Variants in PHOX2B observed in about 807,000 individuals in gnomAD.
The protein encoded by PHOX2B is paired like homeobox 2B.
A neutral mutation model predicts 15.5 loss-of-function variants in PHOX2B; 1 was observed. The observed-to-expected ratio is 0.06, with a 90% CI of 0.02 to 0.31. The LOEUF (loss-of-function observed/expected upper bound fraction) is 0.31, where lower values mean the gene tolerates loss of function less well. Among genes scored for constraint, PHOX2B ranks in the 10% least tolerant of loss-of-function variants. The pLI is 1.00. For synonymous variants in PHOX2B, 206 were observed against 190.5 expected, an observed-to-expected ratio of 1.08 and a Z score of -0.67; for missense variants, 314 against 436.4, an observed-to-expected ratio of 0.72 and a Z score of 2.50.
At chr4:41,748,232 G>C in intron 1 of PHOX2B, 138 bp downstream of exon 1, 1 of 942,162 alleles carries the variant, frequency 1.1e-6, no homozygotes, top group South Asian at 1.6e-5. Flanking sequence ...CGCTTCTAAC[G>C]TGATAAATTC....
Position 41,748,512 on chromosome 4 carries a change from G to C in PHOX2B, c.99C>G (p.Phe33Leu), listed in dbSNP as rs779251110. 1 of 1,614,224 alleles carries C rather than the reference G, an allele frequency of 6.2e-7. No individual in the cohort carries two copies. Among genetic ancestry groups the C allele is most frequent in the South Asian group, 1.1e-5 (1 of 91,082 alleles). The change falls in exon 1 of 3, where the codon TTC (phenylalanine) becomes TTG (leucine). Residue 33 changes from phenylalanine to leucine, a missense_variant. Around this residue, in one of 7 missense-constraint regions of PHOX2B, gnomAD observed 102 missense variants for 155.1 expected, o/e 0.66. Coordinates refer to ENST00000226382, the MANE Select transcript of PHOX2B (RefSeq NM_003924.4). Reference sequence around the variant, plus strand: ...AGCCACTGGCCTGGCTGCAGGAACTGAAGTCAGCATAGGCTGAAGCCAGGC... The same window carrying C: ...AGCCACTGGCCTGGCTGCAGGAACTCAAGTCAGCATAGGCTGAAGCCAGGC... Reference protein sequence around the residue: ...TSSLASAYADFSSCSQASGFQ... With the variant: ...TSSLASAYADLSSCSQASGFQ...
chr4:41,745,758 C>T lies in PHOX2B; in HGVS notation c.*49G>A. 1 of 1,573,828 alleles carries T rather than the reference C, an allele frequency of 6.4e-7. No individual in the cohort carries two copies. Among genetic ancestry groups the T allele is most frequent in the Non-Finnish European group, 8.6e-7 (1 of 1,161,820 alleles). On this transcript the variant is annotated 3_prime_UTR_variant, in exon 3 of 3. Transcript: ENST00000226382. The surrounding 1 kb of genome is among the most constrained non-coding windows in gnomAD (Gnocchi z 4.0). Reference sequence around the variant, plus strand: ...CGCTCGCCCACTCGCCCGCCCGGGCCCTGGCTCGCCCGCTGTCGCCGCCGC... The same window carrying T: ...CGCTCGCCCACTCGCCCGCCCGGGCTCTGGCTCGCCCGCTGTCGCCGCCGC...
At position 41,747,248 on chromosome 4, in the gene PHOX2B, T is replaced by C. The variant is rs28647582; in HGVS notation, c.429+101A>G. 305,907 of 953,940 alleles carry C rather than the reference T, an allele frequency of 0.32. 53,621 individuals carry two copies. Among genetic ancestry groups the C allele is most frequent in the African/African-American group, 0.62 (38,797 of 62,490 alleles). The allele number at this position is 953,940 out of a possible 1,614,324, so 59.1% of individuals were successfully genotyped here. ...TCGGCCATGGGGCCCTAGGTCCTTC[T>C]CACTCGAGGCTCCAGGACTTCGAAT... On this transcript the variant is annotated intron_variant, in intron 2 of 2. Coordinates refer to ENST00000226382, the MANE Select transcript of PHOX2B (RefSeq NM_003924.4).
In PHOX2B at chr4:41,748,425, C is replaced by A. The variant is rs763699416; in HGVS notation, c.186G>T (p.Pro62=). 6.2e-7 allele frequency: 1 copy of A among 1,614,038 alleles called. No individual in the cohort carries two copies. The highest frequency in any genetic ancestry group is 1.7e-5 in the Admixed American group (1 of 60,014). The change falls in exon 1 of 3, where the codon CCG becomes CCT. Residue 62 remains proline (P), a synonymous_variant. Transcript: ENST00000226382. The part of the protein sequence containing the change: ...GATSGCPSLT[P]GSCSLGTLRD... ...TGAGGGTGCCCAGGCTGCAGGATCC[C>A]GGCGTGAGGGAAGGGCAGCCGGACG...
chr4:41,746,075 G>GC lies in PHOX2B; in HGVS notation c.676dup (p.Ala226GlyfsTer134). On this transcript the variant is annotated frameshift_variant, in exon 3 of 3. Coordinates refer to ENST00000226382, the MANE Select transcript of PHOX2B (RefSeq NM_003924.4). LOFTEE classifies it low-confidence loss of function (END_TRUNC). ...GCCTCCCGGGCCCCCGGGCCCCGCC[G>GC]CCCCCGGAGCTCCAGCCGGGCTGGG... The GC allele has an allele frequency of 6.9e-7, 1 of 1,453,840 alleles. No homozygotes were observed. The highest frequency in any genetic ancestry group is 9.0e-7 in the Non-Finnish European group (1 of 1,111,540). The allele number at this position is 1,453,840 out of a possible 1,614,324, so 90.1% of individuals were successfully genotyped here.
In PHOX2B at chr4:41,748,522, T is replaced by C; in HGVS notation, c.89A>G (p.Tyr30Cys). 2 of 1,614,176 alleles carry C rather than the reference T, an allele frequency of 1.2e-6. No homozygotes were observed. The highest frequency in any genetic ancestry group is 1.7e-6 in the Non-Finnish European group (2 of 1,179,994). Residue 30 changes from tyrosine (Y) to cysteine (C), a missense_variant, in exon 1 of 3, where the codon TAT (tyrosine) becomes TGT (cysteine). Physicochemically the swap from Tyr to Cys is radical, Grantham distance 194. Coordinates refer to ENST00000226382, the MANE Select transcript of PHOX2B (RefSeq NM_003924.4). The part of the protein sequence containing the change: ...GMDTSSLASA[Y>C]ADFSSCSQAS... ...CTGGCTGCAGGAACTGAAGTCAGCATAGGCTGAAGCCAGGCTCGAGGTGTC... is the reference window on the plus strand; with the variant it reads ...CTGGCTGCAGGAACTGAAGTCAGCACAGGCTGAAGCCAGGCTCGAGGTGTC...
Position 41,744,965 on chromosome 4 carries a change from A to G in PHOX2B, c.*842T>C, listed in dbSNP as rs1733836755. ...CAAAGATTCGGGGTTGGGAGTTGCA[A>G]CTGTGTGGGGTTCCGATGCGCTAAT... On this transcript the variant is annotated 3_prime_UTR_variant, in exon 3 of 3. Transcript: ENST00000226382. 1 of 233,288 alleles carries G rather than the reference A, an allele frequency of 4.3e-6. No homozygotes were observed. The highest frequency in any genetic ancestry group is 8.5e-6 in the Non-Finnish European group (1 of 118,088). 14.5% of individuals were successfully genotyped at this position (233,288 alleles called of 1,614,324 possible).
Position 41,747,357 on chromosome 4 carries a change from G to T in PHOX2B, c.421C>A (p.Arg141=), listed in dbSNP as rs28939716. ...TTTCCAGGCGCGCGTACCTGGACTC[G>T]CGCCTCTGTGAGGTCGATCTTCAGG... ...LALKIDLTEA[R]VQVWFQNRRA... The change falls in exon 2 of 3, where the codon CGA becomes AGA. Residue 141 remains arginine, a synonymous_variant. Transcript: ENST00000226382. 5.0e-6 allele frequency: 8 copies of T among 1,606,518 alleles called. No homozygotes were observed. The highest frequency in any genetic ancestry group is 6.8e-6 in the Non-Finnish European group (8 of 1,179,772).
chr4:41,746,362 G>A, intron 2 of PHOX2B, 40 bp from the exon 3 acceptor site: 1 of 1,605,800 alleles, frequency 6.2e-7, no homozygotes, highest in Non-Finnish European at 8.5e-7. Flanking sequence ...AGCAGGGGGA[G>A]AAAGAAGAAA....
At position 41,745,979 on chromosome 4, in the gene PHOX2B, G is replaced by T. The variant is rs747626591; in HGVS notation, c.773C>A (p.Ala258Glu). ...AAAAAAAAAAAAAGGLAAAGG... is the reference protein window; with the variant it reads ...AAAAAAAAAAEAAGGLAAAGG... ...AGCCGCAGCCAGGCCTCCAGCTGCC[G>T]CCGCTGCCGCTGCCGCCGCCGCCGC... The change falls in exon 3 of 3, where the codon GCG becomes GAG. Residue 258 changes from alanine to glutamate, a missense_variant. By Grantham distance (107) the Ala-to-Glu change is moderately radical. Coordinates refer to ENST00000226382, the MANE Select transcript of PHOX2B (RefSeq NM_003924.4). The surrounding 1 kb of genome is among the most constrained non-coding windows in gnomAD (Gnocchi z 4.0). 107 of 1,254,878 alleles carry T rather than the reference G, an allele frequency of 8.5e-5. No individual in the cohort carries two copies. Among genetic ancestry groups the T allele is most frequent in the Admixed American group, 6.8e-4 (16 of 23,624 alleles). 77.7% of individuals were successfully genotyped at this position (1,254,878 alleles called of 1,614,324 possible).
intron 1 of PHOX2B, 52 bp from the exon 2 acceptor site, chr4:41,747,588 C>G: frequency 1.3e-6 from 2 of 1,500,658 alleles, no homozygotes; most frequent in Non-Finnish European, 1.8e-6. Context: ...GGCAGCTCGC[C>G]GGCCGTGGAG....
chr4:41,748,276 TACTAAAC>T, intron 1 of PHOX2B, 87 bp downstream of exon 1: 1 of 1,435,632 alleles, frequency 7.0e-7, no homozygotes, highest in Middle Eastern at 2.4e-4. Flanking sequence ...GTTTGGTAAA[TACTAAAC>T]ACATTTCCAT....
Position 41,747,385 on chromosome 4 carries a change from C to G in PHOX2B, c.393G>C (p.Leu131=), listed in dbSNP as rs779269711. ...HYPDIYTREE[L]ALKIDLTEAR... The stretch of plus-strand genomic sequence containing the variant: ...CCTCTGTGAGGTCGATCTTCAGGGC[C>G]AGCTCCTCCCGAGTGTAGATGTCGG... Residue 131 remains leucine (L), a synonymous_variant, in exon 2 of 3, where the codon CTG becomes CTC. Transcript: ENST00000226382. 8.7e-6 allele frequency: 14 copies of G among 1,609,502 alleles called. No homozygotes were observed. The South Asian group carries it at 1.5e-4, about 18-fold the overall frequency.
In PHOX2B at chr4:41,747,485, T is replaced by G; in HGVS notation, c.293A>C (p.Gln98Pro). ...DHGGLNEKRK[Q>P]RRIRTTFTSA... ...GGTGAAAGTGGTGCGGATGCGCCGC[T>G]GCTTGCGCTTCTCGTTGAGGCCGCC... Residue 98 changes from glutamine (Q) to proline (P), a missense_variant, in exon 2 of 3, where the codon CAG becomes CCG. Gln to Pro is a moderately conservative substitution (Grantham distance 76). Coordinates refer to ENST00000226382, the MANE Select transcript of PHOX2B (RefSeq NM_003924.4). 1 of 1,611,010 alleles carries G rather than the reference T, an allele frequency of 6.2e-7. No homozygotes were observed. The highest frequency in any genetic ancestry group is 8.5e-7 in the Non-Finnish European group (1 of 1,179,938).
intron 1 of PHOX2B, among the ~76,000 whole-genome samples, chr4:41,748,064 C>T (rs1733970685): frequency 6.6e-6 from 1 of 152,150 alleles, no homozygotes; most frequent in Admixed American, 6.5e-5. Context: ...CAGTAATGAG[C>T]TTTACTCTTT....
In PHOX2B at chr4:41,745,993, C is replaced by G; in HGVS notation, c.759G>C (p.Ala253=). The G allele has an allele frequency of 8.3e-7, 1 of 1,209,364 alleles. No homozygotes were observed. The highest frequency in any genetic ancestry group is 1.0e-6 in the Non-Finnish European group (1 of 974,572). 74.9% of individuals were successfully genotyped at this position (1,209,364 alleles called of 1,614,324 possible). A position where few individuals can be genotyped will look rare whatever the true frequency, so the allele number is the denominator to read the frequency against. ...CTCCAGCTGCCGCCGCTGCCGCTGC[C>G]GCCGCCGCCGCTGCCGCGGCCGCCG... ...AAAAAAAAAA[A]AAAAAAAGGL... Residue 253 remains alanine (A), a synonymous_variant, in exon 3 of 3, where the codon GCG becomes GCC. Coordinates refer to ENST00000226382, the MANE Select transcript of PHOX2B (RefSeq NM_003924.4). This position sits in a 1 kb window ranked among gnomAD's most constrained non-coding sequence, Gnocchi z 4.0.
At chr4:41,748,193 C>T (rs528140684) in intron 1 of PHOX2B, 177 bp downstream of exon 1, 2 of 686,806 alleles carry the variant, frequency 2.9e-6, no homozygotes, top group Admixed American at 5.2e-5. Context: ...ATAGTGTAAC[C>T]CTGTAAGTGA....
Position 41,745,734 on chromosome 4 carries a change from G to GCTCGCCCA in PHOX2B, c.*65_*72dup. 1 of 1,537,972 alleles carries GCTCGCCCA rather than the reference G, an allele frequency of 6.5e-7. No homozygotes were observed. The highest frequency in any genetic ancestry group is 8.8e-7 in the Non-Finnish European group (1 of 1,141,588). ...GACGACAATAGCCTTGGGCCTACCC[G>GCTCGCCCA]CTCGCCCACTCGCCCGCCCGGGCCC... On this transcript the variant is annotated 3_prime_UTR_variant, in exon 3 of 3. Transcript: ENST00000226382. The surrounding 1 kb of genome is among the most constrained non-coding windows in gnomAD (Gnocchi z 4.0).
intron 1 of PHOX2B, among the ~76,000 whole-genome samples, chr4:41,747,935 G>T (rs543303455): frequency 6.9e-4 from 105 of 151,200 alleles, no homozygotes; most frequent in African/African-American, 2.5e-3. Context: ...AAGTTGACCC[G>T]GCTCAAAAGT....
Sources: gnomAD v4.1 joint callset for allele counts (sites outside exome capture counted in the v4.1 genomes callset) on GRCh38, gnomAD v4.1.1 for gene constraint, gnomAD v4.1.1 regional missense constraint, Gnocchi (gnomAD v3.1) non-coding constraint, MANE v1.5 for transcripts, NCBI Gene and HGNC (gene_info 2026-07-23, HGNC 2026-07-21) for gene names.